Variants in TANC1 observed in about 807,000 individuals in gnomAD.
TANC1 encodes tetratricopeptide repeat, ankyrin repeat and coiled-coil containing 1, also known as protein TANC1.
TANC1 carries 77 observed loss-of-function variants against 149.7 expected under a neutral mutation model. The observed-to-expected ratio is 0.51, with a 90% CI of 0.43 to 0.62. The LOEUF (loss-of-function observed/expected upper bound fraction) is 0.62. TANC1 is among the 20% of genes least tolerant of loss of function. The pLI is 0.00. For synonymous variants in TANC1, 854 were observed against 925.0 expected (o/e 0.92, Z 1.39); for missense variants, 1,985 against 2,321.8 (o/e 0.85, Z 2.98).
chr2:159,065,640 G>GTTTTTTTTTTT (rs34624412), intron 2 of TANC1, among the ~76,000 whole-genome samples: 1 of 136,198 alleles, frequency 7.3e-6, no homozygotes, highest in Non-Finnish European at 1.6e-5. Flanking sequence ...ATGCACTATT[G>GTTTTTTTTTTT]TTTTTTTTTT....
At chr2:159,011,631 C>T (rs1187322901) in intron 2 of TANC1, among the ~76,000 whole-genome samples, 2 of 150,360 alleles carry the variant, frequency 1.3e-5, no homozygotes, top group Non-Finnish European at 2.9e-5. Flanking sequence ...AAGGTCCTGG[C>T]CTCAAGCCAT....
At chr2:159,107,535 G>T (rs933994053) in intron 4 of TANC1, among the ~76,000 whole-genome samples, 1 of 152,088 alleles carries the variant, frequency 6.6e-6, no homozygotes, top group African/African-American at 2.4e-5. Flanking sequence ...TGTGAAGTAG[G>T]GACCAACTTC....
intron 1 of TANC1, among the ~76,000 whole-genome samples, chr2:158,986,755 T>G (rs1036721789): frequency 6.6e-6 from 1 of 152,246 alleles, no homozygotes; most frequent in Non-Finnish European, 1.5e-5. Context: ...AAGCAACATC[T>G]GAGAAAATTG....
At chr2:159,225,993 C>T (rs985827536) in intron 24 of TANC1, 7 of 566,300 alleles carry the variant, frequency 1.2e-5, no homozygotes, top group African/African-American at 9.5e-5. Flanking sequence ...ACCAACCTGG[C>T]CAATATGGCA....
intron 4 of TANC1, among the ~76,000 whole-genome samples, chr2:159,116,899 T>TA (rs1315625817): frequency 1.3e-5 from 2 of 152,232 alleles, no homozygotes; most frequent in Non-Finnish European, 2.9e-5. Context: ...TGCTGAAGGT[T>TA]AGACTGCTCG....
intron 4 of TANC1, among the ~76,000 whole-genome samples, chr2:159,104,981 C>CTTTTTTTTTTTTTTTTTTTTTTTTTT (rs146778655): frequency 2.3e-5 from 1 of 43,386 alleles, no homozygotes; most frequent in African/African-American, 7.1e-5. Flanking sequence ...TGGATATTTG[C>CTTTTTTTTTTTTTTTTTTTTTTTTTT]TTTTTTTTTT....
chr2:159,176,578 G>A, intron 13 of TANC1, 60 bp downstream of exon 13: 2 of 1,298,884 alleles, frequency 1.5e-6, no homozygotes, highest in Non-Finnish European at 2.1e-6. Context: ...AGTGATAAAT[G>A]TTAATAACGT....
intron 1 of TANC1, among the ~76,000 whole-genome samples, chr2:158,983,422 G>C (rs1249140514): frequency 2.9e-5 from 4 of 140,036 alleles, no homozygotes; most frequent in African/African-American, 1.1e-4. Flanking sequence ...AGCCGAGATC[G>C]CGCCACTGCA....
In TANC1 at chr2:159,001,149, C is replaced by G. The variant is rs182696603; in HGVS notation, c.-56C>G. 5.5e-4 allele frequency: 84 copies of G among 152,790 alleles called. No individual in the cohort carries two copies. The highest frequency in any genetic ancestry group is 1.8e-3 in the African/African-American group (75 of 41,584). 9.5% of individuals were successfully genotyped at this position (152,790 alleles called of 1,614,324 possible). On this transcript the variant is annotated 5_prime_UTR_variant, in exon 2 of 27. Transcript: ENST00000263635. The surrounding 1 kb of genome is among the most constrained non-coding windows in gnomAD (Gnocchi z 4.3). ...AGAGAAAATTGTGAACTAAGGCCCC[C>G]TGCCCCCTTTTCCTGGTGCATGTGA...
At chr2:159,190,845 C>A (rs946173023) in intron 16 of TANC1, among the ~76,000 whole-genome samples, 2 of 152,232 alleles carry the variant, frequency 1.3e-5, no homozygotes, top group African/African-American at 4.8e-5. Context: ...AGCCACCATG[C>A]CCAGCCACAC....
chr2:159,224,462 G>T (rs958669915), intron 23 of TANC1, 98 bp downstream of exon 23: 16 of 1,393,812 alleles, frequency 1.1e-5, no homozygotes, highest in Admixed American at 1.9e-5. Flanking sequence ...AGGTTAGGAA[G>T]TAAGATGTCA....
chr2:159,204,672 C>G (rs1250179455), intron 19 of TANC1, among the ~76,000 whole-genome samples: 2 of 152,212 alleles, frequency 1.3e-5, no homozygotes, highest in East Asian at 3.8e-4. Context: ...CTACGCTTCC[C>G]TAATTTCTGG....
At chr2:159,055,670 C>G (rs2041796394) in intron 2 of TANC1, among the ~76,000 whole-genome samples, 1 of 152,168 alleles carries the variant, frequency 6.6e-6, no homozygotes, top group African/African-American at 2.4e-5. Context: ...AGACACCATA[C>G]TTTTTCTCTC....
intron 4 of TANC1, among the ~76,000 whole-genome samples, chr2:159,109,950 A>G (rs1212970062): frequency 2.6e-5 from 4 of 152,368 alleles, no homozygotes; most frequent in Non-Finnish European, 2.9e-5. Context: ...AAAACATTGT[A>G]TGCTGAGGTT....
chr2:159,138,629 T>C (rs1039219350), intron 5 of TANC1, among the ~76,000 whole-genome samples: 4 of 152,242 alleles, frequency 2.6e-5, no homozygotes, highest in African/African-American at 9.6e-5. Flanking sequence ...AATATCAGCA[T>C]CATCACTTAA....
chr2:159,182,060 T>C (rs551355989), intron 14 of TANC1, among the ~76,000 whole-genome samples: 1 of 151,800 alleles, frequency 6.6e-6, no homozygotes, highest in African/African-American at 2.4e-5. Flanking sequence ...AAAAGAAAAA[T>C]TAGCCGGGTG....
intron 2 of TANC1, among the ~76,000 whole-genome samples, chr2:159,019,114 C>T (rs2038557267): frequency 6.6e-6 from 1 of 152,180 alleles, no homozygotes; most frequent in Non-Finnish European, 1.5e-5. Context: ...AGATGAATTC[C>T]TTGCTTAAGA....
chr2:159,071,984 GTT>G (rs1438616720), intron 3 of TANC1, among the ~76,000 whole-genome samples: 2 of 152,006 alleles, frequency 1.3e-5, no homozygotes. Flanking sequence ...TTTTTGTTTT[GTT>G]TTTTGTTTTT....
At chr2:159,130,024 G>A (rs1221310961) in intron 4 of TANC1, among the ~76,000 whole-genome samples, 1 of 152,180 alleles carries the variant, frequency 6.6e-6, no homozygotes. Flanking sequence ...AGCGGCGGCA[G>A]CAGGATACCA....
Sources: gnomAD v4.1 joint callset for allele counts (sites outside exome capture counted in the v4.1 genomes callset) on GRCh38, gnomAD v4.1.1 for gene constraint, Gnocchi (gnomAD v3.1) non-coding constraint, MANE v1.5 for transcripts, NCBI Gene and HGNC (gene_info 2026-07-23, HGNC 2026-07-21) for gene names.